The following CADM2 variants were observed in gnomAD, a reference collection of about 807,000 sequenced individuals.
CADM2 encodes cell adhesion molecule 2, also known as immunoglobulin superfamily member 4D.
In CADM2, 12 loss-of-function variants were observed where a neutral mutation model predicts 49.8. The ratio of observed to expected loss-of-function variants is 0.24; its 90% confidence interval spans 0.15 to 0.39. CADM2 has a LOEUF of 0.39. CADM2 is among the 10% of genes least tolerant of loss of function. CADM2 has a pLI of 1.00. For synonymous variants in CADM2, 214 were observed against 175.4 expected (o/e 1.22, Z -1.74); for missense variants, 378 against 492.3 (o/e 0.77, Z 2.20).
chr3:85,170,898 G>C (rs1482771434), intron 1 of CADM2, among the ~76,000 whole-genome samples: 1 of 152,040 alleles, frequency 6.6e-6, no homozygotes, highest in Non-Finnish European at 1.5e-5. Flanking sequence ...ATGTAAACCT[G>C]TTTTGTTTGA....
At chr3:85,431,047 A>G (rs1176362189) in intron 1 of CADM2, among the ~76,000 whole-genome samples, 2 of 152,192 alleles carry the variant, frequency 1.3e-5, no homozygotes, top group East Asian at 1.9e-4. Flanking sequence ...CAGTGGTCTC[A>G]TAAGATTATA....
intron 2 of CADM2, among the ~76,000 whole-genome samples, chr3:85,735,217 G>A (rs1380194808): frequency 1.3e-5 from 2 of 152,116 alleles, no homozygotes; most frequent in Admixed American, 1.3e-4. Flanking sequence ...GAGTAGAAAA[G>A]ACAGTGGTTC....
At chr3:85,985,333 C>A (rs975535812) in intron 8 of CADM2, among the ~76,000 whole-genome samples, 1 of 151,852 alleles carries the variant, frequency 6.6e-6, no homozygotes, top group Non-Finnish European at 1.5e-5. Context: ...GAGGGCTTCA[C>A]CTCATGATTT....
At chr3:85,409,808 G>A (rs1199981002) in intron 1 of CADM2, among the ~76,000 whole-genome samples, 1 of 152,094 alleles carries the variant, frequency 6.6e-6, no homozygotes, top group Non-Finnish European at 1.5e-5. Context: ...AAAGATGTAA[G>A]TATAGCAGAA....
chr3:85,137,764 C>T (rs1372112048), intron 1 of CADM2, among the ~76,000 whole-genome samples: 3 of 151,956 alleles, frequency 2.0e-5, no homozygotes, highest in African/African-American at 7.3e-5. Flanking sequence ...AAAGCTTATC[C>T]TAATTTTAGA....
intron 1 of CADM2, among the ~76,000 whole-genome samples, chr3:85,421,544 G>A (rs1249369147): frequency 6.6e-6 from 1 of 152,144 alleles, no homozygotes; most frequent in African/African-American, 2.4e-5. Flanking sequence ...TTATTCTTTT[G>A]TGGTAAGTTT....
intron 1 of CADM2, among the ~76,000 whole-genome samples, chr3:85,412,668 A>T (rs1442016755): frequency 1.2e-4 from 18 of 152,142 alleles, no homozygotes; most frequent in Admixed American, 1.2e-3. Context: ...ATCCTTTGCT[A>T]CAAAATTATC....
At chr3:86,064,079 A>C (rs1026420850) in intron 8 of CADM2, among the ~76,000 whole-genome samples, 1 of 151,224 alleles carries the variant, frequency 6.6e-6, no homozygotes, top group Non-Finnish European at 1.5e-5. Context: ...ATTATACTTT[A>C]AGTTCTAGGG....
chr3:85,524,189 A>G (rs986055397), intron 1 of CADM2, among the ~76,000 whole-genome samples: 2 of 152,080 alleles, frequency 1.3e-5, no homozygotes, highest in African/African-American at 4.8e-5. Context: ...TTTTTATTTC[A>G]TTGATTATCT....
intron 2 of CADM2, among the ~76,000 whole-genome samples, chr3:85,798,799 T>C (rs760961139): frequency 6.6e-6 from 1 of 152,202 alleles, no homozygotes; most frequent in Non-Finnish European, 1.5e-5. Flanking sequence ...TTTTTCTAAT[T>C]CTGTGAAGCA....
At chr3:85,952,678 T>C (rs1427057308) in intron 7 of CADM2, among the ~76,000 whole-genome samples, 2 of 151,012 alleles carry the variant, frequency 1.3e-5, no homozygotes. Context: ...AGAGAGTTTC[T>C]TTTATCTCTT....
At chr3:85,726,842 T>A (rs2067716016) in intron 2 of CADM2, among the ~76,000 whole-genome samples, 1 of 152,102 alleles carries the variant, frequency 6.6e-6, no homozygotes, top group Non-Finnish European at 1.5e-5. Flanking sequence ...CATGCGTACC[T>A]TAGTTTCCTT....
At chr3:85,889,838 C>T (rs146150503) in intron 5 of CADM2, among the ~76,000 whole-genome samples, 47 of 152,024 alleles carry the variant, frequency 3.1e-4, no homozygotes, top group African/African-American at 1.1e-3. Flanking sequence ...GAGAAAGAGA[C>T]ATAAAAACAT....
chr3:85,424,361 A>G (rs888999807), intron 1 of CADM2, among the ~76,000 whole-genome samples: 2 of 151,630 alleles, frequency 1.3e-5, no homozygotes, highest in Non-Finnish European at 2.9e-5. Flanking sequence ...ATAAGAATAT[A>G]TATTATTTCT....
Position 86,069,449 on chromosome 3 carries a change from G to A in CADM2, c.*2666G>A, listed in dbSNP as rs1332464697. On this transcript the variant is annotated 3_prime_UTR_variant, in exon 10 of 10. Coordinates refer to ENST00000383699, the MANE Select transcript of CADM2 (RefSeq NM_001167675.2). ...ATGAGACACCATGTTCTGAACTGGA[G>A]AAAACAATATCAATGAAGTCATATT... The A allele has an allele frequency of 6.6e-6, 1 of 151,922 alleles. No homozygotes were observed. Among genetic ancestry groups the A allele is most frequent in the Non-Finnish European group, 1.5e-5 (1 of 67,864 alleles). The allele number at this position is 151,922 out of a possible 1,614,324, so 9.4% of individuals were successfully genotyped here.
chr3:85,063,271 CTTT>C (rs34901623), intron 1 of CADM2, among the ~76,000 whole-genome samples: 1 of 151,830 alleles, frequency 6.6e-6, no homozygotes, highest in Non-Finnish European at 1.5e-5. Context: ...TAAATGGAAT[CTTT>C]TTAACTAATA....
At chr3:85,944,038 T>C (rs1304193291) in intron 7 of CADM2, among the ~76,000 whole-genome samples, 1 of 151,686 alleles carries the variant, frequency 6.6e-6, no homozygotes, top group East Asian at 1.9e-4. Flanking sequence ...ATCTCACCTA[T>C]AGAGACACAC....
chr3:85,456,556 T>G (rs1320871677), intron 1 of CADM2, among the ~76,000 whole-genome samples: 1 of 152,192 alleles, frequency 6.6e-6, no homozygotes, highest in East Asian at 1.9e-4. Context: ...TATCTCAAAT[T>G]TTTATATAGC....
Position 85,941,986 on chromosome 3 carries a change from A to C in CADM2, c.791+6129A>C, listed in dbSNP as rs559422690. On this transcript the variant is annotated intron_variant, in intron 7 of 9. Transcript: ENST00000383699. ...ATCGTTTCAATTTTTTAGGTGAAGA[A>C]AAATAAGTCTTGTTCAAGTTATATG... is the stretch of plus-strand genomic sequence containing the variant. Among the ~76,000 whole-genome samples the C allele has an allele frequency of 3.3e-5, 5 of 152,284 alleles. No homozygotes were observed. In the South Asian group the frequency reaches 1.0e-3, roughly 32 times the overall value.
Sources: gnomAD v4.1 joint callset for allele counts (sites outside exome capture counted in the v4.1 genomes callset) on GRCh38, gnomAD v4.1.1 for gene constraint, MANE v1.5 for transcripts, NCBI Gene and HGNC (gene_info 2026-07-23, HGNC 2026-07-21) for gene names.